PCDHA7: variants seen among roughly 807,000 people sequenced by gnomAD.
The protein encoded by PCDHA7 is protocadherin alpha-7.
Under a neutral mutation model 57.2 loss-of-function variants are expected in PCDHA7, and 37 were observed. The ratio of observed to expected loss-of-function variants is 0.65; its 90% CI spans 0.50 to 0.85. PCDHA7 has a LOEUF of 0.85. Among genes scored for constraint, PCDHA7 ranks in the 40% least tolerant of loss-of-function variants. The pLI is 0.00. For missense variants in PCDHA7, 1,188 were observed against 1,241.8 expected (o/e 0.96, Z 0.65); for synonymous variants, 553 against 558.8 (o/e 0.99, Z 0.15).
At chr5:140,870,992 T>G (rs782714479) in intron 1 of PCDHA7, 3 of 1,613,478 alleles carry the variant, frequency 1.9e-6, no homozygotes, top group Non-Finnish European at 2.5e-6. Flanking sequence ...ACGGGCGAGA[T>G]AAGCACAACG....
In PCDHA7 at chr5:140,851,131, G is replaced by T. The variant is rs2041968794; in HGVS notation, c.2355+14393G>T. The T allele has an allele frequency of 4.6e-6, 6 of 1,310,148 alleles. No individual in the cohort carries two copies. In the East Asian group the frequency reaches 1.6e-4, roughly 35 times the overall value. The allele number at this position is 1,310,148 out of a possible 1,614,324, so 81.2% of individuals were successfully genotyped here. ...CTGAATCAATTTTATTTAAATTTGT[G>T]ATTAAAGTGACATTGAATTTCTGAT... On this transcript the variant is annotated intron_variant, in intron 1 of 3. Coordinates refer to ENST00000525929, the MANE Select transcript of PCDHA7 (RefSeq NM_018910.3).
chr5:140,963,307 C>G (rs2095756240), intron 1 of PCDHA7, among the ~76,000 whole-genome samples: 1 of 152,062 alleles, frequency 6.6e-6, no homozygotes, highest in African/African-American at 2.4e-5. Context: ...AAATAAGAAG[C>G]TGTTTGTATT....
rs150226999 is a variant in PCDHA7, at chr5:140,970,370, C to T, written c.2356-8579C>T. 2.1e-3 allele frequency among the ~76,000 whole-genome samples: 315 copies of T among 152,234 alleles called. 1 individual carries two copies. The highest frequency in any genetic ancestry group is 7.2e-3 in the African/African-American group (299 of 41,540). On this transcript the variant is annotated intron_variant, in intron 1 of 3. Coordinates refer to ENST00000525929, the MANE Select transcript of PCDHA7 (RefSeq NM_018910.3). ...GGATCTAAAATTTGATTTGCTATAG[C>T]TTCAAAAGGCTGGCTTGGAAAGTGG...
intron 1 of PCDHA7, among the ~76,000 whole-genome samples, chr5:140,839,858 G>A (rs2150301292): frequency 6.6e-6 from 1 of 152,038 alleles, no homozygotes; most frequent in East Asian, 1.9e-4. Context: ...TACTTTTGAG[G>A]TGGACTTTGA....
At chr5:140,882,058 C>G (rs1190027185) in intron 1 of PCDHA7, 4 of 794,854 alleles carry the variant, frequency 5.0e-6, no homozygotes, top group Non-Finnish European at 7.7e-6. Flanking sequence ...CTTACACTTA[C>G]ACGTTCATGC....
chr5:140,902,185 T>TTCTC (rs370111655), intron 1 of PCDHA7, among the ~76,000 whole-genome samples: 1 of 150,794 alleles, frequency 6.6e-6, no homozygotes, highest in African/African-American at 2.4e-5. Context: ...CCTTTATGTC[T>TTCTC]TCTCTCTCTC....
chr5:140,900,693 T>A (rs1223398418), intron 1 of PCDHA7, among the ~76,000 whole-genome samples: 1 of 152,242 alleles, frequency 6.6e-6, no homozygotes, highest in African/African-American at 2.4e-5. Flanking sequence ...TATACTGATT[T>A]CCGTTCTTTT....
At chr5:140,910,682 C>G (rs1280217836) in intron 1 of PCDHA7, among the ~76,000 whole-genome samples, 2 of 152,198 alleles carry the variant, frequency 1.3e-5, no homozygotes, top group East Asian at 3.8e-4. Flanking sequence ...GGAGATCAGG[C>G]ATTTCCAGCT....
intron 1 of PCDHA7, chr5:140,884,452 C>G (rs1203873823): frequency 6.2e-7 from 1 of 1,613,664 alleles, no homozygotes; most frequent in African/African-American, 1.3e-5. Context: ...CACCGCCCAC[C>G]GAGGGCGCGT....
At position 140,835,847 on chromosome 5, in the gene PCDHA7, G is replaced by C. The variant is rs140727991; in HGVS notation, c.1464G>C (p.Ala488=). 590 of 1,612,226 alleles carry C rather than the reference G, an allele frequency of 3.7e-4. 11 individuals are homozygous for C. The highest frequency in any genetic ancestry group is 6.3e-4 in the Admixed American group (38 of 59,986). Residue 488 remains alanine (A), a synonymous_variant, in exon 1 of 4, where the codon GCG becomes GCC. Coordinates refer to ENST00000525929, the MANE Select transcript of PCDHA7 (RefSeq NM_018910.3). ...GGGACGCGGACGCGCAGAAGAACGC[G>C]CTGGTGTCCTACTCGCTGGTGGAGC... ...SAGDADAQKN[A]LVSYSLVELR... is the part of the protein sequence containing the mutation.
intron 1 of PCDHA7, chr5:140,849,824 G>A (rs2150452119): frequency 3.1e-6 from 5 of 1,598,646 alleles, no homozygotes; most frequent in Non-Finnish European, 2.6e-6. Flanking sequence ...GGGTGTCTGT[G>A]GAGGTGGCCG....
At chr5:140,968,668 G>A (rs1365342675) in intron 1 of PCDHA7, 3 of 1,614,038 alleles carry the variant, frequency 1.9e-6, no homozygotes, top group African/African-American at 1.3e-5. Flanking sequence ...ACCTCTTTAA[G>A]GTAGAGCTGC....
intron 3 of PCDHA7, among the ~76,000 whole-genome samples, chr5:141,000,387 CTCTCTCTCTATA>C (rs1217065500): frequency 3.9e-4 from 26 of 66,870 alleles, no homozygotes; most frequent in African/African-American, 1.1e-3. Context: ...CTCTCTCTCT[CTCTCTCTCTATA>C]TATATATATA....
intron 1 of PCDHA7, chr5:140,861,891 C>T (rs2047126506): frequency 6.5e-6 from 1 of 154,838 alleles, no homozygotes; most frequent in African/African-American, 2.4e-5. Flanking sequence ...CTGACAGGCA[C>T]CAAAGCATTA....
chr5:141,004,871 C>T (rs2098186149), intron 3 of PCDHA7, among the ~76,000 whole-genome samples: 2 of 152,126 alleles, frequency 1.3e-5, no homozygotes, highest in South Asian at 4.1e-4. Context: ...TGTTTCTCAT[C>T]CCTAAAGTGC....
At chr5:141,006,483 G>T (rs1351534173) in intron 3 of PCDHA7, among the ~76,000 whole-genome samples, 1 of 152,126 alleles carries the variant, frequency 6.6e-6, no homozygotes, top group Non-Finnish European at 1.5e-5. Context: ...AAAGTGCTGG[G>T]ATTACATGTG....
chr5:140,980,545 G>A lies in PCDHA7; in HGVS notation c.2414+1538G>A, dbSNP rs190037193. ...CTAGGGAGGCTGAGGCAGGAGAATC[G>A]CTTGAACCCGGGAGGCGGAAGTTGC... On this transcript the variant is annotated intron_variant, in intron 2 of 3. Transcript: ENST00000525929. 4.1e-3 allele frequency among the ~76,000 whole-genome samples: 627 copies of A among 152,232 alleles called. 4 individuals are homozygous for A. Among genetic ancestry groups the A allele is most frequent in the Non-Finnish European group, 6.8e-3 (460 of 67,996 alleles).
chr5:140,936,619 T>C (rs2153629684), intron 1 of PCDHA7, among the ~76,000 whole-genome samples: 1 of 152,366 alleles, frequency 6.6e-6, no homozygotes, highest in East Asian at 1.9e-4. Context: ...TACTGTGCAG[T>C]GCTACCTTTG....
chr5:140,851,937 T>A, intron 1 of PCDHA7: 1 of 965,138 alleles, frequency 1.0e-6, no homozygotes, highest in Non-Finnish European at 1.3e-6. Context: ...TGAATTGTAG[T>A]ATGTGACTTT....
Sources: allele counts gnomAD v4.1 joint callset (sites outside exome capture counted in the v4.1 genomes callset), GRCh38; gene constraint gnomAD v4.1.1; transcripts MANE v1.5; gene names NCBI Gene and HGNC (gene_info 2026-07-23, HGNC 2026-07-21).